The following GALNT13 variants were observed in gnomAD, a reference collection of about 807,000 sequenced individuals.
GALNT13 encodes UDP-GalNAc:polypeptide N-acetylgalactosaminyltransferase 13.
A neutral mutation model predicts 64.2 loss-of-function variants in GALNT13; 28 were observed. The observed-to-expected ratio is 0.44, with a 90% CI of 0.32 to 0.60. The LOEUF is 0.60. Ranked by LOEUF, GALNT13 falls within the 20% of genes least tolerant of loss-of-function variation. The pLI is 0.05. For missense variants in GALNT13, 577 were observed against 669.8 expected (o/e 0.86, Z 1.53); for synonymous variants, 214 against 224.6 (o/e 0.95, Z 0.42).
chr2:153,849,520 A>G, the GALNT13 span, among the ~76,000 whole-genome samples: 5 of 152,334 alleles, frequency 3.3e-5, no homozygotes, highest in Non-Finnish European at 5.9e-5. Context: ...TTATTGGTCA[A>G]TGGAATACAA....
chr2:153,388,994 A>T, the GALNT13 span, among the ~76,000 whole-genome samples: 7 of 152,200 alleles, frequency 4.6e-5, no homozygotes, highest in Admixed American at 1.3e-4. Flanking sequence ...AACAATGAGA[A>T]ATCTTGGCTA....
Position 154,298,469 on chromosome 2 carries a change from AT to A in GALNT13, c.976-2938del, listed in dbSNP as rs1165419718. Among the ~76,000 whole-genome samples, 205 of 106,310 alleles carry A rather than the reference AT, an allele frequency of 1.9e-3. 1 individual carries two copies. Among genetic ancestry groups the A allele is most frequent in the Middle Eastern group, 0.015 (3 of 204 alleles). 69.7% of individuals were successfully genotyped at this position (106,310 alleles called of 152,430 possible). On this transcript the variant is annotated intron_variant, in intron 8 of 12. Transcript: ENST00000392825. ...ATATAATTTATATATACATATATAA[AT>A]TATATATAAATTATATATAAATTAT...
At chr2:153,478,554 G>C in the GALNT13 span, 69 of 1,589,974 alleles carry the variant, frequency 4.3e-5, 1 homozygote, top group South Asian at 7.5e-4. Context: ...GGTTGCCTAG[G>C]GCCGGATTCA....
At chr2:153,635,098 A>G in the GALNT13 span, among the ~76,000 whole-genome samples, 137 of 151,190 alleles carry the variant, frequency 9.1e-4, no homozygotes, top group South Asian at 1.5e-3. Context: ...AAAGCAGGGG[A>G]AAAAAAAACC....
chr2:153,697,918 A>G, the GALNT13 span, among the ~76,000 whole-genome samples: 1 of 152,218 alleles, frequency 6.6e-6, no homozygotes, highest in Non-Finnish European at 1.5e-5. Flanking sequence ...CTTAGGCCCA[A>G]GAAGAAAGTG....
At chr2:154,391,886 T>C (rs1413928709) in intron 9 of GALNT13, among the ~76,000 whole-genome samples, 2 of 152,072 alleles carry the variant, frequency 1.3e-5, no homozygotes, top group Non-Finnish European at 2.9e-5. Flanking sequence ...GATAGAGGGA[T>C]AAAGACAGAC....
At chr2:153,160,653 A>C in the GALNT13 span, among the ~76,000 whole-genome samples, 1 of 152,314 alleles carries the variant, frequency 6.6e-6, no homozygotes, top group African/African-American at 2.4e-5. Flanking sequence ...CCATAGTGGG[A>C]AAGCAGCCAT....
the GALNT13 span, among the ~76,000 whole-genome samples, chr2:153,402,288 G>C: frequency 1.3e-5 from 2 of 151,948 alleles, no homozygotes; most frequent in African/African-American, 4.8e-5. Flanking sequence ...GGTCTCTGCC[G>C]AGAGATCTGC....
At chr2:153,181,647 T>C in the GALNT13 span, among the ~76,000 whole-genome samples, 2 of 146,400 alleles carry the variant, frequency 1.4e-5, no homozygotes, top group Non-Finnish European at 3.0e-5. Context: ...ATAATTATAT[T>C]ATATATTAAA....
chr2:154,216,802 C>CTTTTTTTTTTTTTTTTTTTTTTTTTT (rs397872685), intron 4 of GALNT13, among the ~76,000 whole-genome samples: 1 of 71,296 alleles, frequency 1.4e-5, no homozygotes, highest in Non-Finnish European at 2.6e-5. Context: ...TTCTCTCTCT[C>CTTTTTTTTTTTTTTTTTTTTTTTTTT]TTTTTTTTTT....
the GALNT13 span, among the ~76,000 whole-genome samples, chr2:153,279,176 T>C: frequency 6.6e-6 from 1 of 152,142 alleles, no homozygotes; most frequent in Non-Finnish European, 1.5e-5. Context: ...TATTGGTGTA[T>C]AGAAATGCTA....
chr2:153,244,748 T>C, the GALNT13 span, among the ~76,000 whole-genome samples: 5 of 152,068 alleles, frequency 3.3e-5, no homozygotes, highest in South Asian at 1.0e-3. Flanking sequence ...TGCCTGGTGG[T>C]GATCCTACAC....
chr2:154,016,258 T>C (rs1192556471), intron 3 of GALNT13, among the ~76,000 whole-genome samples: 4 of 152,228 alleles, frequency 2.6e-5, no homozygotes, highest in Non-Finnish European at 5.9e-5. Flanking sequence ...AAATAGAGTT[T>C]CAGTGACTTT....
At chr2:154,217,354 A>C (rs1688100738) in intron 4 of GALNT13, among the ~76,000 whole-genome samples, 1 of 152,160 alleles carries the variant, frequency 6.6e-6, no homozygotes, top group Non-Finnish European at 1.5e-5. Context: ...AGGGGACTAC[A>C]TCTGGCCATT....
At chr2:153,643,418 T>C in the GALNT13 span, among the ~76,000 whole-genome samples, 23 of 151,336 alleles carry the variant, frequency 1.5e-4, 1 homozygote, top group South Asian at 2.1e-4. Flanking sequence ...TTCTGAAAAA[T>C]ATAATTTAAC....
intron 3 of GALNT13, among the ~76,000 whole-genome samples, chr2:154,037,265 C>A (rs1462690044): frequency 1.3e-5 from 2 of 152,008 alleles, no homozygotes; most frequent in Non-Finnish European, 2.9e-5. Context: ...AAATATATTG[C>A]CTTGGCTGGG....
chr2:153,589,178 C>T, the GALNT13 span, among the ~76,000 whole-genome samples: 2 of 152,118 alleles, frequency 1.3e-5, no homozygotes, highest in Non-Finnish European at 2.9e-5. Flanking sequence ...GCTGGATACA[C>T]TAAATCACCT....
At chr2:153,920,325 G>A (rs891577853) in intron 2 of GALNT13, among the ~76,000 whole-genome samples, 2 of 151,870 alleles carry the variant, frequency 1.3e-5, no homozygotes, top group Non-Finnish European at 2.9e-5. Context: ...CAGAAATAAG[G>A]CACCTCACCT....
intron 7 of GALNT13, among the ~76,000 whole-genome samples, chr2:154,249,746 C>G (rs1358616850): frequency 6.6e-6 from 1 of 151,918 alleles, no homozygotes; most frequent in Non-Finnish European, 1.5e-5. Context: ...TTTAGATGTT[C>G]TTTTAATTCT....
Sources: gnomAD v4.1 joint callset for allele counts (sites outside exome capture counted in the v4.1 genomes callset) on GRCh38, gnomAD v4.1.1 for gene constraint, MANE v1.5 for transcripts, NCBI Gene and HGNC (gene_info 2026-07-23, HGNC 2026-07-21) for gene names.